Variants in IMMP2L observed in about 807,000 individuals in gnomAD.
The protein encoded by IMMP2L is mitochondrial inner membrane protease subunit 2.
In IMMP2L, 18 loss-of-function variants were observed where a neutral mutation model predicts 19.3. That is an observed-to-expected ratio of 0.93 (90% CI 0.64 to 1.38). The LOEUF is 1.38. IMMP2L is among the 40% of genes most tolerant of loss of function. The probability of loss-of-function intolerance (pLI) is 0.00; values close to 1 mark genes in which losing one functional copy is unlikely to be tolerated. For synonymous variants in IMMP2L, 76 were observed against 73.0 expected, an observed-to-expected ratio of 1.04 and a Z score of -0.21; for missense variants, 233 against 218.2, an observed-to-expected ratio of 1.07 and a Z score of -0.43.
intron 3 of IMMP2L, among the ~76,000 whole-genome samples, chr7:111,031,484 C>G (rs1224559169): frequency 6.6e-6 from 1 of 150,938 alleles, no homozygotes; most frequent in Non-Finnish European, 1.5e-5. Context: ...TCCCAATGGC[C>G]AAAGCTGAAA....
At chr7:111,130,599 A>C (rs1214265056) in intron 3 of IMMP2L, among the ~76,000 whole-genome samples, 4 of 152,110 alleles carry the variant, frequency 2.6e-5, no homozygotes, top group Admixed American at 6.6e-5. Context: ...TGAGCTTGGA[A>C]CATAAATTAA....
At chr7:111,557,811 G>T (rs550578979) in intron 1 of IMMP2L, among the ~76,000 whole-genome samples, 1 of 152,012 alleles carries the variant, frequency 6.6e-6, no homozygotes, top group East Asian at 1.9e-4. Context: ...TACATTACTA[G>T]CTCAATGCAG....
At chr7:110,791,577 T>C (rs575491407) in intron 5 of IMMP2L, among the ~76,000 whole-genome samples, 1 of 151,896 alleles carries the variant, frequency 6.6e-6, no homozygotes, top group Admixed American at 6.6e-5. Flanking sequence ...AATATTCCTC[T>C]TTCTCTCCTA....
At chr7:111,536,420 C>T (rs560611947) in intron 1 of IMMP2L, among the ~76,000 whole-genome samples, 4 of 152,114 alleles carry the variant, frequency 2.6e-5, no homozygotes, top group African/African-American at 9.6e-5. Context: ...GATCCTCCCA[C>T]TTCTGCCTCC....
intron 5 of IMMP2L, among the ~76,000 whole-genome samples, chr7:110,818,115 G>A (rs1157727724): frequency 3.3e-5 from 5 of 152,044 alleles, no homozygotes; most frequent in Admixed American, 2.0e-4. Flanking sequence ...TGACAAATGG[G>A]ATCTAATTAA....
At chr7:111,225,284 A>T (rs1423518200) in intron 3 of IMMP2L, among the ~76,000 whole-genome samples, 1 of 152,140 alleles carries the variant, frequency 6.6e-6, no homozygotes, top group South Asian at 2.1e-4. Flanking sequence ...TGTGACAGTT[A>T]TAAGAAAGCC....
chr7:110,783,824 G>A (rs1003075985), intron 5 of IMMP2L, among the ~76,000 whole-genome samples: 2 of 151,804 alleles, frequency 1.3e-5, no homozygotes, highest in African/African-American at 4.8e-5. Flanking sequence ...CAGAGAACAG[G>A]TTAGCACATA....
rs1791465107 is a variant in IMMP2L, at chr7:110,666,474, C to T, written c.409-2753G>A. On this transcript the variant is annotated intron_variant, in intron 5 of 5. Coordinates refer to ENST00000405709, the MANE Select transcript of IMMP2L (RefSeq NM_032549.4). ...TATTTTTAGTAGAGATGGGGTTTCACCATGTTGGCCAGGATGGTCTTGATC... is the reference window on the plus strand; with the variant it reads ...TATTTTTAGTAGAGATGGGGTTTCATCATGTTGGCCAGGATGGTCTTGATC... Among the ~76,000 whole-genome samples, 3 of 152,020 alleles carry T rather than the reference C, an allele frequency of 2.0e-5. No homozygotes were observed. In the South Asian group the frequency reaches 6.2e-4, roughly 32 times the overall value.
intron 3 of IMMP2L, among the ~76,000 whole-genome samples, chr7:111,216,323 T>C (rs1811916618): frequency 6.6e-6 from 1 of 152,178 alleles, no homozygotes; most frequent in Non-Finnish European, 1.5e-5. Flanking sequence ...ATTTCTTTCC[T>C]AGAAAAAGAG....
chr7:110,669,085 GTGTGTATA>G (rs1791696728), intron 5 of IMMP2L, among the ~76,000 whole-genome samples: 1 of 103,812 alleles, frequency 9.6e-6, no homozygotes, highest in Non-Finnish European at 1.8e-5. Context: ...GTGTGTGTGT[GTGTGTATA>G]TGTATATATA....
At chr7:110,810,195 C>G (rs1801934361) in intron 5 of IMMP2L, among the ~76,000 whole-genome samples, 2 of 152,002 alleles carry the variant, frequency 1.3e-5, no homozygotes, top group Admixed American at 1.3e-4. Context: ...CTTGGTGAAA[C>G]AGTACAATGG....
At chr7:111,241,850 GA>G (rs933245712) in intron 3 of IMMP2L, among the ~76,000 whole-genome samples, 14 of 151,540 alleles carry the variant, frequency 9.2e-5, no homozygotes, top group Admixed American at 5.9e-4. Flanking sequence ...ATTACAGTGG[GA>G]AAAAAAAGTT....
chr7:111,362,516 A>G (rs1829359934), intron 3 of IMMP2L, among the ~76,000 whole-genome samples: 1 of 152,034 alleles, frequency 6.6e-6, no homozygotes, highest in Non-Finnish European at 1.5e-5. Flanking sequence ...AAAGAACTGA[A>G]ACTGTTCACT....
At chr7:110,923,089 T>C (rs1292754328) in intron 4 of IMMP2L, among the ~76,000 whole-genome samples, 1 of 152,188 alleles carries the variant, frequency 6.6e-6, no homozygotes, top group Non-Finnish European at 1.5e-5. Flanking sequence ...TGTCCTGACA[T>C]ACCAGTAACT....
chr7:111,495,016 T>A (rs1399404289), intron 2 of IMMP2L, among the ~76,000 whole-genome samples: 1 of 152,104 alleles, frequency 6.6e-6, no homozygotes, highest in East Asian at 1.9e-4. Flanking sequence ...TTAATTGTTC[T>A]GCCTCTATAA....
In IMMP2L at chr7:110,730,782, C is replaced by T. The variant is rs745893703; in HGVS notation, c.409-67061G>A. 1.1e-3 allele frequency among the ~76,000 whole-genome samples: 167 copies of T among 152,306 alleles called. 1 individual carries two copies. Among genetic ancestry groups the T allele is most frequent in the Admixed American group, 1.9e-3 (29 of 15,302 alleles). ...CCTCGTGATCCACCCGCCTCAGCCTCCCAAAGTGCTGGGATTACAGGCGTG... is the reference window on the plus strand; with the variant it reads ...CCTCGTGATCCACCCGCCTCAGCCTTCCAAAGTGCTGGGATTACAGGCGTG... On this transcript the variant is annotated intron_variant, in intron 5 of 5. Coordinates refer to ENST00000405709, the MANE Select transcript of IMMP2L (RefSeq NM_032549.4).
intron 3 of IMMP2L, among the ~76,000 whole-genome samples, chr7:111,071,103 C>A (rs1050772607): frequency 5.9e-5 from 9 of 151,910 alleles, no homozygotes; most frequent in African/African-American, 1.9e-4. Context: ...AAATGGCCAA[C>A]AAGTACATGA....
chr7:111,425,901 A>G (rs1836025647), intron 3 of IMMP2L, among the ~76,000 whole-genome samples: 1 of 151,158 alleles, frequency 6.6e-6, no homozygotes, highest in African/African-American at 2.4e-5. Context: ...TTATTCATCT[A>G]CTCCTTCATT....
chr7:111,189,966 G>C (rs1273424882), intron 3 of IMMP2L, among the ~76,000 whole-genome samples: 2 of 152,118 alleles, frequency 1.3e-5, no homozygotes, highest in Non-Finnish European at 2.9e-5. Context: ...AGTGTATTTG[G>C]AGAAAGTCCC....
Sources: allele counts gnomAD v4.1 joint callset (sites outside exome capture counted in the v4.1 genomes callset), GRCh38; gene constraint gnomAD v4.1.1; transcripts MANE v1.5; gene names NCBI Gene and HGNC (gene_info 2026-07-23, HGNC 2026-07-21).